CHDH: variants seen among roughly 807,000 people sequenced by gnomAD.
CHDH encodes the protein choline dehydrogenase, also known as choline dehydrogenase, mitochondrial.
A neutral mutation model predicts 56.9 loss-of-function variants in CHDH; 43 were observed. That is an observed-to-expected ratio of 0.76 (90% confidence interval 0.59 to 0.97). CHDH has a LOEUF of 0.97. CHDH is among the 50% of genes least tolerant of loss of function. The pLI, the probability that CHDH is intolerant of heterozygous loss-of-function variation, is 0.00. For missense variants in CHDH, 816 were observed against 821.1 expected (o/e 0.99, Z 0.08); for synonymous variants, 364 against 348.5 (o/e 1.04, Z -0.50).
intron 1 of CHDH, among the ~76,000 whole-genome samples, chr3:53,844,980 A>G (rs1261755941): frequency 6.6e-6 from 1 of 152,248 alleles, no homozygotes. Flanking sequence ...TCACTCCAGG[A>G]GTACCCATCA....
chr3:53,823,681 C>A lies in CHDH; in HGVS notation c.328G>T (p.Glu110Ter), dbSNP rs1559752701. 1 of 1,548,098 alleles carries A rather than the reference C, an allele frequency of 6.5e-7. No homozygotes were observed. ...DDRYNWCYHT[E>*]VQRGLDGRVL... ...CGGCCGTCCAGGCCCCGCTGCACCT[C>A]TGTGTGGTAGCACCAGTTGTACCTG... is the stretch of plus-strand genomic sequence containing the variant. Residue 110 changes from glutamate to a stop codon, truncating the protein, a stop_gained, in exon 3 of 9, where the codon GAG becomes TAG. Transcript: ENST00000315251. LOFTEE classifies it high-confidence loss of function.
intron 2 of CHDH, among the ~76,000 whole-genome samples, chr3:53,830,253 T>C (rs552575748): frequency 4.6e-5 from 7 of 151,428 alleles, no homozygotes; most frequent in Non-Finnish European, 7.4e-5. Flanking sequence ...ATAAAGGACA[T>C]AGAAAAAGGT....
At chr3:53,822,734 G>A (rs2095630036) in intron 3 of CHDH, 92 bp from the exon 4 acceptor site, 11 of 1,447,202 alleles carry the variant, frequency 7.6e-6, no homozygotes, top group Middle Eastern at 2.3e-4. Flanking sequence ...GAGTGGATAT[G>A]CCCAGCTCTG....
chr3:53,820,054 G>A (rs1316048047), intron 6 of CHDH, among the ~76,000 whole-genome samples: 1 of 152,184 alleles, frequency 6.6e-6, no homozygotes. Context: ...CCTGGCCCAG[G>A]CACAGCTAGA....
At position 53,819,731 on chromosome 3, in the gene CHDH, G is replaced by A. The variant is rs964728670; in HGVS notation, c.1121-57C>T. ...CCAGTCAGGCCGTGGCAGGTGGGCCGGCTGCTCCTGGTTTCCCTCCTTTCT... is the reference window on the plus strand; with the variant it reads ...CCAGTCAGGCCGTGGCAGGTGGGCCAGCTGCTCCTGGTTTCCCTCCTTTCT... On this transcript the variant is annotated intron_variant, in intron 6 of 8. Transcript: ENST00000315251. This position sits in a 1 kb window ranked among gnomAD's most constrained non-coding sequence, Gnocchi z 5.4. 3.4e-6 allele frequency: 5 copies of A among 1,481,508 alleles called. No homozygotes were observed. Among genetic ancestry groups the A allele is most frequent in the African/African-American group, 1.4e-5 (1 of 70,942 alleles). The allele number at this position is 1,481,508 out of a possible 1,614,324, so 91.8% of individuals were successfully genotyped here.
chr3:53,819,881 CA>C lies in CHDH; in HGVS notation c.1121-208del. The stretch of plus-strand genomic sequence containing the variant: ...ACACCATAAAATGTCAGCTATTTGC[CA>C]AAAGGATGGCATCAGCTCTGCTCTC... On this transcript the variant is annotated intron_variant, in intron 6 of 8. Transcript: ENST00000315251. This position sits in a 1 kb window ranked among gnomAD's most constrained non-coding sequence, Gnocchi z 5.4. Among the ~76,000 whole-genome samples the C allele has an allele frequency of 6.6e-6, 1 of 152,204 alleles. No individual in the cohort carries two copies. Among genetic ancestry groups the C allele is most frequent in the East Asian group, 1.9e-4 (1 of 5,186 alleles).
intron 2 of CHDH, among the ~76,000 whole-genome samples, 192 bp downstream of exon 2, chr3:53,840,737 C>T (rs1698647003): frequency 6.6e-6 from 1 of 152,146 alleles, no homozygotes; most frequent in Non-Finnish European, 1.5e-5. Flanking sequence ...TTTGAAATCT[C>T]AGATCCCACC....
intron 2 of CHDH, among the ~76,000 whole-genome samples, chr3:53,832,312 A>ACC (rs1698359294): frequency 6.6e-6 from 1 of 152,176 alleles, no homozygotes; most frequent in Non-Finnish European, 1.5e-5. Flanking sequence ...TAGGCGGATC[A>ACC]TGAGGTCAGG....
chr3:53,844,616 G>C (rs998426789), intron 1 of CHDH: 1 of 152,662 alleles, frequency 6.6e-6, no homozygotes, highest in East Asian at 1.9e-4. Context: ...CCTGTGTGCC[G>C]AACAACACCA....
At position 53,823,671 on chromosome 3, in the gene CHDH, C is replaced by G; in HGVS notation, c.338G>C (p.Arg113Pro). The change falls in exon 3 of 9, where the codon CGG (arginine) becomes CCG (proline). Residue 113 changes from arginine to proline, a missense_variant. Arg to Pro is a moderately radical substitution (Grantham distance 103). Coordinates refer to ENST00000315251, the MANE Select transcript of CHDH (RefSeq NM_018397.5). The part of the protein sequence containing the change: ...YNWCYHTEVQ[R>P]GLDGRVLYWP... Reference sequence around the variant, plus strand: ...GTACAGCACGCGGCCGTCCAGGCCCCGCTGCACCTCTGTGTGGTAGCACCA... The same window carrying G: ...GTACAGCACGCGGCCGTCCAGGCCCGGCTGCACCTCTGTGTGGTAGCACCA... The G allele has an allele frequency of 6.5e-7, 1 of 1,546,780 alleles. No individual in the cohort carries two copies. Among genetic ancestry groups the G allele is most frequent in the Non-Finnish European group, 8.7e-7 (1 of 1,146,590 alleles).
rs141191705 is a variant in CHDH, at chr3:53,825,892, A to G, written c.-59-1825T>C. Among the ~76,000 whole-genome samples, 46 of 152,292 alleles carry G rather than the reference A, an allele frequency of 3.0e-4. No individual in the cohort carries two copies. In the East Asian group the frequency reaches 6.2e-3, roughly 20 times the overall value. On this transcript the variant is annotated intron_variant, in intron 2 of 8. Coordinates refer to ENST00000315251, the MANE Select transcript of CHDH (RefSeq NM_018397.5). Reference sequence around the variant, plus strand: ...AATGACAGTAAAATTCTCAGAAAACATGCAATCCAGAAGATAATGGAGTGA... The same window carrying G: ...AATGACAGTAAAATTCTCAGAAAACGTGCAATCCAGAAGATAATGGAGTGA...
At position 53,818,109 on chromosome 3, in the gene CHDH, C is replaced by T. The variant is rs767326265; in HGVS notation, c.1453G>A (p.Glu485Lys). The change falls in exon 9 of 9, where the codon GAG becomes AAG. Residue 485 changes from glutamate (E) to lysine (K), a missense_variant. Coordinates refer to ENST00000315251, the MANE Select transcript of CHDH (RefSeq NM_018397.5). ...QEALAPFRGK[E>K]LQPGSHIQSD... ...TGAATGTGGCTTCCTGGCTGGAGCT[C>T]TTTCCCTCGGAACGGAGCCAGGGCT... 3.1e-6 allele frequency: 5 copies of T among 1,614,068 alleles called. No homozygotes were observed. Among genetic ancestry groups the T allele is most frequent in the Non-Finnish European group, 3.4e-6 (4 of 1,179,950 alleles).
chr3:53,822,301 C>T (rs573685505), intron 4 of CHDH, among the ~76,000 whole-genome samples, 190 bp downstream of exon 4: 5 of 152,136 alleles, frequency 3.3e-5, no homozygotes, highest in South Asian at 2.1e-4. Context: ...GGCCCTTTCT[C>T]GGTGGCAGGA....
At chr3:53,824,152 C>T in intron 2 of CHDH, 85 bp from the exon 3 acceptor site, 1 of 730,184 alleles carries the variant, frequency 1.4e-6, no homozygotes, top group Non-Finnish European at 2.1e-6. Context: ...CAGGGTGCAG[C>T]AGGCCCAGCC....
chr3:53,836,149 T>C (rs1698487252), intron 2 of CHDH, among the ~76,000 whole-genome samples: 1 of 152,004 alleles, frequency 6.6e-6, no homozygotes, highest in South Asian at 2.1e-4. Flanking sequence ...GTGGGAAGGA[T>C]CCCAGTTTGA....
intron 5 of CHDH, 24 bp downstream of exon 5, chr3:53,821,623 G>A: frequency 6.2e-7 from 1 of 1,607,302 alleles, no homozygotes; most frequent in African/African-American, 1.3e-5. Flanking sequence ...CAGCCTCTGG[G>A]GAGCAGTAAA....
At chr3:53,824,453 T>C (rs2095635227) in intron 2 of CHDH, among the ~76,000 whole-genome samples, 1 of 152,242 alleles carries the variant, frequency 6.6e-6, no homozygotes, top group African/African-American at 2.4e-5. Context: ...CCCTACCATG[T>C]GCTAGGCACT....
intron 1 of CHDH, among the ~76,000 whole-genome samples, chr3:53,843,852 G>A (rs1291871967): frequency 6.6e-6 from 1 of 152,178 alleles, no homozygotes; most frequent in Non-Finnish European, 1.5e-5. Context: ...AAAGGAAACT[G>A]CTCTGAGAAG....
At chr3:53,838,691 C>G (rs1350686318) in intron 2 of CHDH, among the ~76,000 whole-genome samples, 1 of 152,222 alleles carries the variant, frequency 6.6e-6, no homozygotes, top group African/African-American at 2.4e-5. Flanking sequence ...TGGAGCTGCT[C>G]TTCCTGCCAT....
Sources: gnomAD v4.1 joint callset for allele counts (sites outside exome capture counted in the v4.1 genomes callset) on GRCh38, gnomAD v4.1.1 for gene constraint, Gnocchi (gnomAD v3.1) non-coding constraint, MANE v1.5 for transcripts, NCBI Gene and HGNC (gene_info 2026-07-23, HGNC 2026-07-21) for gene names.